Variants in EHBP1 observed in about 807,000 individuals in gnomAD.
EHBP1 encodes the protein EH domain binding protein 1.
Under a neutral mutation model 144.0 loss-of-function variants are expected in EHBP1, and 55 were observed. The ratio of observed to expected loss-of-function variants is 0.38; its 90% CI spans 0.31 to 0.48. The LOEUF is 0.48. EHBP1 is among the 20% of genes least tolerant of loss of function. The pLI is 0.98. For missense variants in EHBP1, 1,200 were observed against 1,364.2 expected, an observed-to-expected ratio of 0.88 and a Z score of 1.90; for synonymous variants, 469 against 472.7, an observed-to-expected ratio of 0.99 and a Z score of 0.10.
intron 7 of EHBP1, among the ~76,000 whole-genome samples, chr2:62,836,176 C>T (rs1038722510): frequency 2.6e-5 from 4 of 152,146 alleles, no homozygotes; most frequent in African/African-American, 9.7e-5. Context: ...TCAAATGGGT[C>T]CCTGACCCCT....
intron 5 of EHBP1, among the ~76,000 whole-genome samples, chr2:62,807,962 T>G (rs1390192143): frequency 3.3e-5 from 5 of 151,898 alleles, no homozygotes; most frequent in African/African-American, 1.2e-4. Context: ...AGCTCAACCC[T>G]GTAATCCCAG....
At chr2:62,897,305 G>A (rs2053017949) in intron 10 of EHBP1, among the ~76,000 whole-genome samples, 1 of 152,098 alleles carries the variant, frequency 6.6e-6, no homozygotes, top group Non-Finnish European at 1.5e-5. Context: ...CTTATTCTGT[G>A]TACATCTCTA....
chr2:62,742,766 G>C (rs2038835674), intron 2 of EHBP1, among the ~76,000 whole-genome samples: 1 of 152,052 alleles, frequency 6.6e-6, no homozygotes, highest in Non-Finnish European at 1.5e-5. Context: ...TGTTGACTTG[G>C]AAAACAAATT....
intron 10 of EHBP1, among the ~76,000 whole-genome samples, chr2:62,895,604 A>G (rs2052850655): frequency 6.6e-6 from 1 of 152,196 alleles, no homozygotes; most frequent in Non-Finnish European, 1.5e-5. Context: ...GATAAAGGAA[A>G]AACACATGAT....
chr2:62,991,480 A>C (rs901597423), intron 16 of EHBP1, among the ~76,000 whole-genome samples: 4 of 152,138 alleles, frequency 2.6e-5, no homozygotes, highest in African/African-American at 9.7e-5. Context: ...AATAATCCTC[A>C]AGCTTCTGCC....
At chr2:62,771,505 A>T (rs2041659290) in intron 5 of EHBP1, 113 bp downstream of exon 5, 2 of 716,246 alleles carry the variant, frequency 2.8e-6, no homozygotes, top group Admixed American at 5.9e-5. Flanking sequence ...AAAATTAAAT[A>T]GTGATTTGTA....
chr2:62,840,745 A>T (rs1214915677), intron 7 of EHBP1, among the ~76,000 whole-genome samples: 1 of 151,638 alleles, frequency 6.6e-6, no homozygotes, highest in African/African-American at 2.4e-5. Context: ...AAAAATGCTC[A>T]TCATCACTGG....
intron 3 of EHBP1, among the ~76,000 whole-genome samples, chr2:62,747,931 T>C (rs2152159812): frequency 6.6e-6 from 1 of 152,142 alleles, no homozygotes; most frequent in East Asian, 1.9e-4. Flanking sequence ...GAGGATGCAC[T>C]AAGAAGGCCC....
upstream of EHBP1, among the ~76,000 whole-genome samples, chr2:62,703,339 T>G (rs1490857345): frequency 6.6e-6 from 1 of 151,408 alleles, no homozygotes; most frequent in African/African-American, 2.4e-5. Context: ...AGAAACCCCG[T>G]CTCAAGAAAA....
At chr2:62,727,041 T>C (rs2036876770) in intron 2 of EHBP1, among the ~76,000 whole-genome samples, 1 of 152,194 alleles carries the variant, frequency 6.6e-6, no homozygotes, top group African/African-American at 2.4e-5. Context: ...TTTTGTATTT[T>C]TGGTAGACAC....
At chr2:62,907,756 A>G (rs1307492369) in intron 10 of EHBP1, among the ~76,000 whole-genome samples, 1 of 152,226 alleles carries the variant, frequency 6.6e-6, no homozygotes, top group Non-Finnish European at 1.5e-5. Flanking sequence ...GTTCATAACA[A>G]ATATCTTTTC....
chr2:62,726,249 G>A (rs1174440633), intron 2 of EHBP1, among the ~76,000 whole-genome samples: 1 of 152,206 alleles, frequency 6.6e-6, no homozygotes, highest in East Asian at 1.9e-4. Context: ...CAACTCGAGT[G>A]TCCATTGTGG....
intron 21 of EHBP1, 112 bp downstream of exon 21, chr2:63,038,928 G>C (rs2061551388): frequency 1.0e-6 from 1 of 957,012 alleles, no homozygotes; most frequent in African/African-American, 1.6e-5. Flanking sequence ...GGACCTTCCG[G>C]AATTGCAAAT....
chr2:63,025,637 A>G (rs1385572679), intron 19 of EHBP1, among the ~76,000 whole-genome samples: 1 of 152,192 alleles, frequency 6.6e-6, no homozygotes, highest in Non-Finnish European at 1.5e-5. Context: ...CTTGAGATTG[A>G]CGCATAAGAT....
intron 10 of EHBP1, among the ~76,000 whole-genome samples, chr2:62,886,594 A>T (rs1257313756): frequency 2.0e-5 from 3 of 152,196 alleles, no homozygotes; most frequent in Non-Finnish European, 4.4e-5. Flanking sequence ...AGTTACAAAG[A>T]CTTAAAGATA....
rs138098837 is a variant in EHBP1, at chr2:62,767,139, GTTTA to G, written c.258+2783_258+2786del. 1.4e-3 allele frequency among the ~76,000 whole-genome samples: 215 copies of G among 152,136 alleles called. 7 individuals are homozygous for G. In the East Asian group the frequency reaches 0.031, roughly 22 times the overall value. ...CTTTTAGTGCTTTGAAATTCCAGCT[GTTTA>G]TTTAACCTCTGCACTGAAGAAAACG... On this transcript the variant is annotated intron_variant, in intron 4 of 22. Transcript: ENST00000431489.
At chr2:62,984,558 C>T (rs1444193950) in intron 15 of EHBP1, among the ~76,000 whole-genome samples, 1 of 152,180 alleles carries the variant, frequency 6.6e-6, no homozygotes, top group East Asian at 1.9e-4. Context: ...CACACATGCA[C>T]ATGCACTTCA....
chr2:62,863,628 A>G (rs1185772814), intron 8 of EHBP1, among the ~76,000 whole-genome samples: 1 of 152,096 alleles, frequency 6.6e-6, no homozygotes, highest in Non-Finnish European at 1.5e-5. Context: ...CTAAAGATTT[A>G]AAGTCTTGTA....
chr2:62,956,708 A>C (rs80254193), intron 14 of EHBP1, among the ~76,000 whole-genome samples: 3 of 145,052 alleles, frequency 2.1e-5, no homozygotes, highest in African/African-American at 5.1e-5. Context: ...AAAAAAAAAA[A>C]CCACCGCAAA....
Sources: gnomAD v4.1 joint callset for allele counts (sites outside exome capture counted in the v4.1 genomes callset) on GRCh38, gnomAD v4.1.1 for gene constraint, MANE v1.5 for transcripts, NCBI Gene and HGNC (gene_info 2026-07-23, HGNC 2026-07-21) for gene names.